The following ENTREP2 variants were observed in gnomAD, a reference collection of about 807,000 sequenced individuals.
ENTREP2 encodes endosomal transmembrane epsin interactor 2.
the ENTREP2 span, among the ~76,000 whole-genome samples, chr15:29,184,018 T>G: frequency 6.6e-6 from 1 of 152,148 alleles, no homozygotes; most frequent in East Asian, 1.9e-4. Flanking sequence ...TCTTGTTCTG[T>G]TGCCCAGGCT....
chr15:29,514,481 C>T, the ENTREP2 span, among the ~76,000 whole-genome samples: 1 of 152,186 alleles, frequency 6.6e-6, no homozygotes, highest in African/African-American at 2.4e-5. Context: ...GGGTAGCTCC[C>T]ACCTTTTGGC....
chr15:29,362,671 G>A, the ENTREP2 span, among the ~76,000 whole-genome samples: 2 of 151,902 alleles, frequency 1.3e-5, no homozygotes, highest in African/African-American at 2.4e-5. Flanking sequence ...CACCGCGTCC[G>A]GCCCCTTGTT....
the ENTREP2 span, among the ~76,000 whole-genome samples, chr15:29,362,431 G>C: frequency 2.7e-4 from 36 of 132,722 alleles, 1 homozygote; most frequent in African/African-American, 9.7e-4. Context: ...CTAGAATGCA[G>C]TGGCGCGATC....
chr15:29,417,058 C>T, the ENTREP2 span, among the ~76,000 whole-genome samples: 1 of 152,168 alleles, frequency 6.6e-6, no homozygotes, highest in Non-Finnish European at 1.5e-5. Flanking sequence ...GACTGTAAAC[C>T]AGTTCAACCA....
At chr15:29,300,049 A>G in the ENTREP2 span, among the ~76,000 whole-genome samples, 1 of 150,436 alleles carries the variant, frequency 6.6e-6, no homozygotes, top group South Asian at 2.1e-4. Flanking sequence ...AGATAGATGG[A>G]TAGATGAATG....
the ENTREP2 span, among the ~76,000 whole-genome samples, chr15:29,179,641 T>C: frequency 4.0e-5 from 6 of 149,408 alleles, no homozygotes; most frequent in South Asian, 1.3e-3. Flanking sequence ...AGTGCAGTGG[T>C]GCGATCTCAG....
At chr15:29,547,263 T>C in the ENTREP2 span, among the ~76,000 whole-genome samples, 1 of 146,338 alleles carries the variant, frequency 6.8e-6, no homozygotes, top group Non-Finnish European at 1.5e-5. Flanking sequence ...TTTTTTTTTT[T>C]ATTTTTAGTA....
chr15:29,211,771 G>A, the ENTREP2 span, among the ~76,000 whole-genome samples: 1 of 152,116 alleles, frequency 6.6e-6, no homozygotes, highest in Non-Finnish European at 1.5e-5. Context: ...TTTATGTGGT[G>A]TATCACATTT....
the ENTREP2 span, among the ~76,000 whole-genome samples, chr15:29,427,040 T>C: frequency 2.0e-5 from 3 of 152,350 alleles, no homozygotes; most frequent in East Asian, 5.8e-4. Context: ...TATTATCTTA[T>C]GGGTGCTTGG....
the ENTREP2 span, among the ~76,000 whole-genome samples, chr15:29,347,924 C>T: frequency 6.6e-6 from 1 of 152,108 alleles, no homozygotes; most frequent in African/African-American, 2.4e-5. Flanking sequence ...ATTGGGAGAC[C>T]AAACTTCCAT....
At chr15:29,131,804 T>C in the ENTREP2 span, among the ~76,000 whole-genome samples, 2 of 149,138 alleles carry the variant, frequency 1.3e-5, no homozygotes, top group East Asian at 4.1e-4. Context: ...CAGTGGCCCC[T>C]GAACCATACG....
the ENTREP2 span, among the ~76,000 whole-genome samples, chr15:29,412,391 T>C: frequency 2.6e-5 from 4 of 152,172 alleles, no homozygotes; most frequent in Non-Finnish European, 5.9e-5. Flanking sequence ...AGTATAAAGA[T>C]ACAATTGATT....
the ENTREP2 span, among the ~76,000 whole-genome samples, chr15:29,639,055 A>AT: frequency 6.6e-6 from 1 of 152,208 alleles, no homozygotes; most frequent in Non-Finnish European, 1.5e-5. Context: ...TTGGGATGCT[A>AT]AAGTGATTTG....
chr15:29,137,167 T>G, the ENTREP2 span: 6 of 1,481,334 alleles, frequency 4.1e-6, no homozygotes, highest in Non-Finnish European at 5.4e-6. Context: ...CAGGTGGGGT[T>G]GGCAGGATGT....
chr15:29,254,577 G>A, the ENTREP2 span, among the ~76,000 whole-genome samples: 1 of 151,180 alleles, frequency 6.6e-6, no homozygotes, highest in Non-Finnish European at 1.5e-5. Flanking sequence ...GCTGATTCCC[G>A]GCCAGGCGCA....
the ENTREP2 span, among the ~76,000 whole-genome samples, chr15:29,277,698 G>A: frequency 6.6e-6 from 1 of 152,196 alleles, no homozygotes; most frequent in African/African-American, 2.4e-5. Flanking sequence ...CACAGCCTGG[G>A]GTTTGGGAAC....
the ENTREP2 span, among the ~76,000 whole-genome samples, chr15:29,573,645 C>CT: frequency 6.1e-5 from 9 of 147,540 alleles, no homozygotes; most frequent in African/African-American, 1.2e-4. Flanking sequence ...CTCTCTCCCC[C>CT]CCTCTCTCTC....
the ENTREP2 span, among the ~76,000 whole-genome samples, chr15:29,397,173 T>G: frequency 6.6e-6 from 1 of 152,100 alleles, no homozygotes; most frequent in Non-Finnish European, 1.5e-5. Context: ...GGCAGATCAC[T>G]TGAGGTCAGG....
At chr15:29,193,185 A>T in the ENTREP2 span, among the ~76,000 whole-genome samples, 3 of 152,218 alleles carry the variant, frequency 2.0e-5, no homozygotes, top group Admixed American at 6.5e-5. Context: ...ACTTGACTGG[A>T]TGAAGGATAC....
Sources: gnomAD v4.1 joint callset for allele counts (sites outside exome capture counted in the v4.1 genomes callset) on GRCh38, gnomAD v4.1.1 for gene constraint, MANE v1.5 for transcripts, NCBI Gene and HGNC (gene_info 2026-07-23, HGNC 2026-07-21) for gene names.